The following PPARGC1A variants were observed in gnomAD, a reference collection of about 807,000 sequenced individuals.
The protein encoded by PPARGC1A is peroxisome proliferator-activated receptor gamma coactivator 1-alpha.
A neutral mutation model predicts 88.7 loss-of-function variants in PPARGC1A; 25 were observed. The ratio of observed to expected loss-of-function variants is 0.28; its 90% CI spans 0.21 to 0.39. The LOEUF is 0.39. PPARGC1A is among the 10% of genes least tolerant of loss of function. The probability of loss-of-function intolerance (pLI) is 1.00; values close to 1 mark genes in which losing one functional copy is unlikely to be tolerated. For missense variants in PPARGC1A, 880 were observed against 968.7 expected, an observed-to-expected ratio of 0.91 and a Z score of 1.22; for synonymous variants, 363 against 355.6, an observed-to-expected ratio of 1.02 and a Z score of -0.24.
the PPARGC1A span, among the ~76,000 whole-genome samples, chr4:24,353,862 A>G: frequency 6.6e-6 from 1 of 152,222 alleles, no homozygotes; most frequent in East Asian, 1.9e-4. Flanking sequence ...TACACACACT[A>G]GGTTCAGAAA....
At chr4:23,950,146 A>C in the PPARGC1A span, among the ~76,000 whole-genome samples, 1 of 152,138 alleles carries the variant, frequency 6.6e-6, no homozygotes, top group Admixed American at 6.6e-5. Flanking sequence ...GTAGATTTCA[A>C]ATCCACTCTC....
At chr4:24,424,275 T>C in the PPARGC1A span, among the ~76,000 whole-genome samples, 7 of 123,872 alleles carry the variant, frequency 5.7e-5, no homozygotes, top group Admixed American at 2.5e-4. Flanking sequence ...TTTTTTTTTT[T>C]TTTTTTTTTT....
the PPARGC1A span, among the ~76,000 whole-genome samples, chr4:24,198,114 G>C: frequency 6.6e-6 from 1 of 152,140 alleles, no homozygotes; most frequent in Admixed American, 6.5e-5. Flanking sequence ...AAAGCAACTA[G>C]CTTCAGGGCT....
the PPARGC1A span, among the ~76,000 whole-genome samples, chr4:24,437,219 C>T: frequency 1.3e-5 from 2 of 152,196 alleles, no homozygotes. Flanking sequence ...CCTCAGGGAC[C>T]ACCTCTAGCC....
At chr4:23,951,972 C>A in the PPARGC1A span, among the ~76,000 whole-genome samples, 1 of 152,072 alleles carries the variant, frequency 6.6e-6, no homozygotes, top group Non-Finnish European at 1.5e-5. Context: ...TTATAACTTG[C>A]GTTCATTTCC....
intron 10 of PPARGC1A, among the ~76,000 whole-genome samples, chr4:23,804,358 T>C (rs1245377641): frequency 6.6e-6 from 1 of 152,208 alleles, no homozygotes; most frequent in Non-Finnish European, 1.5e-5. Context: ...TTAATTTTTA[T>C]CCCCTAAATC....
At chr4:23,944,677 T>C in the PPARGC1A span, among the ~76,000 whole-genome samples, 1 of 152,198 alleles carries the variant, frequency 6.6e-6, no homozygotes, top group Non-Finnish European at 1.5e-5. Flanking sequence ...GAAGGGCAGC[T>C]TCCCCCATCC....
At chr4:23,918,987 A>G in the PPARGC1A span, among the ~76,000 whole-genome samples, 4 of 152,174 alleles carry the variant, frequency 2.6e-5, no homozygotes, top group Admixed American at 1.3e-4. Context: ...GGACCCATCT[A>G]TTTTATAAAC....
At chr4:23,830,393 C>G (rs1724788879) in intron 3 of PPARGC1A, among the ~76,000 whole-genome samples, 1 of 152,138 alleles carries the variant, frequency 6.6e-6, no homozygotes, top group African/African-American at 2.4e-5. Flanking sequence ...TACAGTATGT[C>G]TCTGAGTCAA....
the PPARGC1A span, among the ~76,000 whole-genome samples, chr4:24,007,217 G>T: frequency 3.3e-5 from 5 of 151,960 alleles, no homozygotes; most frequent in Admixed American, 6.6e-5. Flanking sequence ...TGCCCATCTC[G>T]CTCTCTCTCT....
the PPARGC1A span, among the ~76,000 whole-genome samples, chr4:24,350,067 T>G: frequency 1.3e-5 from 2 of 152,216 alleles, no homozygotes; most frequent in African/African-American, 4.8e-5. Context: ...CAAACAGACC[T>G]TCAGCTTCTC....
the PPARGC1A span, among the ~76,000 whole-genome samples, chr4:24,196,800 A>G: frequency 3.3e-5 from 5 of 152,220 alleles, no homozygotes; most frequent in Admixed American, 3.3e-4. Context: ...CTCTATTCCT[A>G]TATCTGAAAC....
the PPARGC1A span, among the ~76,000 whole-genome samples, chr4:24,350,402 T>C: frequency 5.3e-5 from 8 of 152,210 alleles, no homozygotes; most frequent in African/African-American, 1.9e-4. Flanking sequence ...TTTTTTGATA[T>C]TCCAAATGGT....
At chr4:23,958,717 T>C in the PPARGC1A span, among the ~76,000 whole-genome samples, 8 of 152,056 alleles carry the variant, frequency 5.3e-5, no homozygotes, top group Admixed American at 5.2e-4. Context: ...ATATTTATAG[T>C]AAAATTATCT....
At chr4:24,415,050 T>G in the PPARGC1A span, among the ~76,000 whole-genome samples, 1 of 151,850 alleles carries the variant, frequency 6.6e-6, no homozygotes, top group Non-Finnish European at 1.5e-5. Context: ...ATTAGCTGAG[T>G]GCAGTGGCAT....
chr4:24,144,460 G>C, the PPARGC1A span, among the ~76,000 whole-genome samples: 1 of 150,158 alleles, frequency 6.7e-6, no homozygotes, highest in Non-Finnish European at 1.5e-5. Flanking sequence ...CTGGAGCTGA[G>C]TTTTGAAACC....
At chr4:23,866,094 A>C (rs999153030) in intron 2 of PPARGC1A, 1 of 152,220 alleles carries the variant, frequency 6.6e-6, no homozygotes, top group African/African-American at 2.4e-5. Context: ...AGTTGTGAAT[A>C]TGTAAGAAAG....
At chr4:23,908,851 T>A (rs1169772320), upstream of PPARGC1A, among the ~76,000 whole-genome samples, 2 of 152,050 alleles carry the variant, frequency 1.3e-5, no homozygotes, top group Non-Finnish European at 2.9e-5. Context: ...TGTGTGGGAA[T>A]GTGTGTATCT....
At chr4:23,802,381 G>T (rs1553874173) in intron 10 of PPARGC1A, 36 bp from the exon 11 acceptor site, 9 of 1,612,028 alleles carry the variant, frequency 5.6e-6, no homozygotes, top group Non-Finnish European at 6.8e-6. Context: ...TCTGGAGTGG[G>T]AAAAAAGCTA....
Sources: allele counts gnomAD v4.1 joint callset (sites outside exome capture counted in the v4.1 genomes callset), GRCh38; gene constraint gnomAD v4.1.1; transcripts MANE v1.5; gene names NCBI Gene and HGNC (gene_info 2026-07-23, HGNC 2026-07-21).